The following SAMSN1 variants were observed in gnomAD, a reference collection of about 807,000 sequenced individuals.
SAMSN1 encodes SAM domain-containing protein SAMSN-1.
In SAMSN1, 31 loss-of-function variants were observed where a neutral mutation model predicts 42.0. The observed-to-expected ratio is 0.74, with a 90% CI of 0.55 to 1.00. SAMSN1 has a LOEUF of 1.00. Among genes scored for constraint, SAMSN1 ranks in the 50% least tolerant of loss-of-function variants. The probability of loss-of-function intolerance (pLI) is 0.00; values close to 1 mark genes in which losing one functional copy is unlikely to be tolerated. For synonymous variants in SAMSN1, 178 were observed against 151.9 expected (o/e 1.17, Z -1.26); for missense variants, 464 against 439.4 (o/e 1.06, Z -0.50).
intron 7 of SAMSN1, among the ~76,000 whole-genome samples, chr21:14,486,438 G>C (rs1026752393): frequency 4.2e-4 from 64 of 152,244 alleles, no homozygotes; most frequent in African/African-American, 1.4e-3. Context: ...AGAGAAAGCA[G>C]ATTGTATCCA....
rs143750839 is a variant in SAMSN1, at chr21:14,579,108, A to C, written c.261+3028T>G. 5.9e-3 allele frequency among the ~76,000 whole-genome samples: 897 copies of C among 152,314 alleles called. 12 individuals carry two copies. The highest frequency in any genetic ancestry group is 0.02 in the African/African-American group (824 of 41,558). On this transcript the variant is annotated intron_variant, in intron 2 of 8. Transcript: ENST00000285670. Reference sequence around the variant, plus strand: ...GAATATATGTGTAGAATACAAAAATAATAATTTGCACTCATCCAACTTCTT... The same window carrying C: ...GAATATATGTGTAGAATACAAAAATCATAATTTGCACTCATCCAACTTCTT...
chr21:14,549,713 T>C (rs1298817284), upstream of SAMSN1, among the ~76,000 whole-genome samples: 1 of 152,074 alleles, frequency 6.6e-6, no homozygotes, highest in Non-Finnish European at 1.5e-5. Flanking sequence ...AGAACTGTAT[T>C]CCATTCAAAC....
chr21:14,486,484 A>C (rs2123627476), intron 7 of SAMSN1, among the ~76,000 whole-genome samples: 1 of 152,304 alleles, frequency 6.6e-6, no homozygotes. Flanking sequence ...TACTCCTTAA[A>C]GTATCATTAG....
chr21:14,643,224 A>G (rs190806270), intron 1 of SAMSN1: 3 of 642,194 alleles, frequency 4.7e-6, no homozygotes, highest in Admixed American at 5.0e-5. Flanking sequence ...TTTATATAGT[A>G]CTTTATTTAA....
Position 14,497,421 on chromosome 21 carries a change from C to T in SAMSN1, c.919+1021G>A, listed in dbSNP as rs1474073197. Among the ~76,000 whole-genome samples the T allele has an allele frequency of 8.6e-5, 13 of 152,000 alleles. No individual in the cohort carries two copies. In the East Asian group the frequency reaches 1.9e-3, roughly 23 times the overall value. On this transcript the variant is annotated intron_variant, in intron 7 of 7. Coordinates refer to ENST00000400566, the MANE Select transcript of SAMSN1 (RefSeq NM_022136.5). ...ACCAGGCTGGCCAATATGGTGAAAC[C>T]CCATCTCTACTAAAAATACAAAAAT...
chr21:14,526,810 G>C (rs1255176162), intron 1 of SAMSN1, among the ~76,000 whole-genome samples: 1 of 152,134 alleles, frequency 6.6e-6, no homozygotes, highest in African/African-American at 2.4e-5. Flanking sequence ...CGGTTTCCTA[G>C]AATACTGACC....
chr21:14,607,578 A>C (rs957010487), intron 5 of SAMSN1, among the ~76,000 whole-genome samples: 1 of 152,146 alleles, frequency 6.6e-6, no homozygotes, highest in Non-Finnish European at 1.5e-5. Flanking sequence ...ATGGTCACTC[A>C]AGACCCTGAG....
rs548202563 is a variant in SAMSN1, at chr21:14,623,630, T to A, written c.157-7614A>T. ...GAAGCACCCAGATTCATAAAGCAAG[T>A]CCTTAGAGACCTACAAGGAGACTTA... is the stretch of plus-strand genomic sequence containing the variant. On this transcript the variant is annotated intron_variant, in intron 2 of 15. Transcript: ENST00000647101. 3.9e-5 allele frequency among the ~76,000 whole-genome samples: 6 copies of A among 152,190 alleles called. No individual in the cohort carries two copies. In the South Asian group the frequency reaches 1.0e-3, roughly 26 times the overall value.
upstream of SAMSN1, chr21:14,583,825 A>T (rs1281742494): frequency 1.4e-6 from 1 of 696,002 alleles, no homozygotes; most frequent in Non-Finnish European, 2.6e-6. Context: ...CTCACAAAAG[A>T]TTAAATATAA....
At chr21:14,613,902 A>C (rs1339531846) in intron 3 of SAMSN1, among the ~76,000 whole-genome samples, 1 of 152,094 alleles carries the variant, frequency 6.6e-6, no homozygotes, top group Non-Finnish European at 1.5e-5. Context: ...GGAAACATAC[A>C]GTAGAGAAAA....
intron 2 of SAMSN1, chr21:14,619,695 G>A (rs2123340156): frequency 3.1e-6 from 1 of 319,292 alleles, no homozygotes; most frequent in Non-Finnish European, 6.6e-6. Context: ...AGAGAGATTA[G>A]CAAGATAAAA....
chr21:14,577,278 ATATATATTT>A (rs1327293284), intron 2 of SAMSN1, among the ~76,000 whole-genome samples: 3 of 47,592 alleles, frequency 6.3e-5, no homozygotes, highest in Non-Finnish European at 1.1e-4. Flanking sequence ...ATATATATAT[ATATATATTT>A]TTTTTTTAGA....
At position 14,500,877 on chromosome 21, in the gene SAMSN1, C is replaced by T. The variant is rs1987125544; in HGVS notation, c.562-142G>A. ...AGAAACAAATCTAAACATTCACTTG[C>T]TTCAAAAGTTCAGGCTGGTGGCATG... is the stretch of plus-strand genomic sequence containing the variant. On this transcript the variant is annotated intron_variant, in intron 5 of 7. Coordinates refer to ENST00000400566, the MANE Select transcript of SAMSN1 (RefSeq NM_022136.5). The T allele has an allele frequency of 4.2e-6, 3 of 717,910 alleles. No homozygotes were observed. The African/African-American group carries it at 5.3e-5, about 13-fold the overall frequency. The allele number at this position is 717,910 out of a possible 1,614,324, so 44.5% of individuals were successfully genotyped here.
intron 5 of SAMSN1, among the ~76,000 whole-genome samples, chr21:14,503,374 G>A (rs769217128): frequency 6.6e-5 from 10 of 151,994 alleles, no homozygotes; most frequent in Admixed American, 2.6e-4. Context: ...AAGAAAATGG[G>A]GTCCTTAGTC....
chr21:14,562,151 A>T (rs114646061), intron 2 of SAMSN1, among the ~76,000 whole-genome samples: 5,977 of 152,314 alleles, frequency 0.039, 158 homozygotes, highest in African/African-American at 0.069. Context: ...GGAACAATTG[A>T]AGAACCATTG....
Position 14,510,415 on chromosome 21 carries a change from AAAG to A in SAMSN1, c.453_455del (p.Phe152del). The A allele has an allele frequency of 6.2e-7, 1 of 1,614,174 alleles. No individual in the cohort carries two copies. Among genetic ancestry groups the A allele is most frequent in the Non-Finnish European group, 8.5e-7 (1 of 1,180,002 alleles). The stretch of plus-strand genomic sequence containing the variant: ...AATAGGGGCCATCGTCATCCAGTCG[AAAG>A]CTGTCCCGGTTACTTGTACCATCTG... On this transcript the variant is annotated inframe_deletion, in exon 5 of 8. Coordinates refer to ENST00000400566, the MANE Select transcript of SAMSN1 (RefSeq NM_022136.5).
At chr21:14,639,143 G>A (rs1214721605) in intron 2 of SAMSN1, among the ~76,000 whole-genome samples, 4 of 152,190 alleles carry the variant, frequency 2.6e-5, no homozygotes, top group Non-Finnish European at 5.9e-5. Flanking sequence ...AGTCAATATA[G>A]ACAGCAAGTC....
intron 7 of SAMSN1, among the ~76,000 whole-genome samples, chr21:14,492,702 CTTTAT>C (rs1298105326): frequency 1.3e-5 from 2 of 152,136 alleles, no homozygotes; most frequent in Middle Eastern, 3.2e-3. Context: ...AATCCTTATA[CTTTAT>C]TTTATAGTTT....
At position 14,571,868 on chromosome 21, in the gene SAMSN1, A is replaced by G. The variant is rs145845204; in HGVS notation, c.261+10268T>C. ...CCCAAGAAGCTAAAAGTAAACTCTCACCCGTTGCTCACTGTATACATTTCA... is the reference window on the plus strand; with the variant it reads ...CCCAAGAAGCTAAAAGTAAACTCTCGCCCGTTGCTCACTGTATACATTTCA... On this transcript the variant is annotated intron_variant, in intron 2 of 8. Coordinates refer to the SAMSN1 transcript ENST00000285670. 1.5e-3 allele frequency among the ~76,000 whole-genome samples: 221 copies of G among 152,206 alleles called. 3 individuals are homozygous for G. Among genetic ancestry groups the G allele is most frequent in the East Asian group, 9.7e-3 (50 of 5,180 alleles).
Sources: allele counts gnomAD v4.1 joint callset (sites outside exome capture counted in the v4.1 genomes callset), GRCh38; gene constraint gnomAD v4.1.1; transcripts MANE v1.5; gene names NCBI Gene and HGNC (gene_info 2026-07-23, HGNC 2026-07-21).